ZNF160: variants seen among roughly 807,000 people sequenced by gnomAD.
The protein encoded by ZNF160 is KRAB zinc finger protein KR18.
In ZNF160, 9 loss-of-function variants were observed where a neutral mutation model predicts 13.1. The observed-to-expected ratio is 0.69, with a 90% CI of 0.41 to 1.20. The LOEUF is 1.20. Ranked by LOEUF, ZNF160 falls within the 50% of genes most tolerant of loss-of-function variation. The pLI is 0.01. For synonymous variants in ZNF160, 293 were observed against 333.2 expected, an observed-to-expected ratio of 0.88 and a Z score of 1.31; for missense variants, 838 against 988.0, an observed-to-expected ratio of 0.85 and a Z score of 2.04.
chr19:53,072,788 T>C (rs2145517593), intron 5 of ZNF160: 1 of 245,274 alleles, frequency 4.1e-6, no homozygotes, highest in African/African-American at 2.3e-5. Context: ...GAGGCAGAAG[T>C]TGCGGTGAGC....
At chr19:53,070,791 A>T (rs918241921) in intron 5 of ZNF160, among the ~76,000 whole-genome samples, 1 of 152,204 alleles carries the variant, frequency 6.6e-6, no homozygotes, top group Non-Finnish European at 1.5e-5. Context: ...GTTGTGGCTC[A>T]TGCCTGTAAT....
At position 53,087,341 on chromosome 19, in the gene ZNF160, C is replaced by A. The variant is rs145938077; in HGVS notation, c.-45-1020G>T. Among the ~76,000 whole-genome samples the A allele has an allele frequency of 3.1e-3, 472 of 152,266 alleles. 8 individuals are homozygous for A. Among genetic ancestry groups the A allele is most frequent in the East Asian group, 0.025 (130 of 5,182 alleles). On this transcript the variant is annotated intron_variant, in intron 2 of 5. Transcript: ENST00000683776. Reference sequence around the variant, plus strand: ...CATACGTCAAAAAAATTTATGAAACCATGTATTTCCTCACCTGTTTTAAGT... The same window carrying A: ...CATACGTCAAAAAAATTTATGAAACAATGTATTTCCTCACCTGTTTTAAGT...
chr19:53,098,962 C>G (rs2085341925), intron 1 of ZNF160, among the ~76,000 whole-genome samples: 1 of 149,870 alleles, frequency 6.7e-6, no homozygotes, highest in South Asian at 2.1e-4. Context: ...GATGAAATTT[C>G]CAGAATATGA....
At chr19:53,079,345 G>A (rs913852078) in intron 3 of ZNF160, among the ~76,000 whole-genome samples, 2 of 152,084 alleles carry the variant, frequency 1.3e-5, no homozygotes, top group Non-Finnish European at 2.9e-5. Flanking sequence ...GAGGTCAGGA[G>A]TTCAAGACCA....
At chr19:53,078,947 T>C (rs1353747325) in intron 3 of ZNF160, among the ~76,000 whole-genome samples, 1 of 152,194 alleles carries the variant, frequency 6.6e-6, no homozygotes. Flanking sequence ...AAAACAATTG[T>C]ATGATACCAC....
Position 53,069,432 on chromosome 19 carries a change from G to T in ZNF160, c.1102C>A (p.Pro368Thr). The change falls in exon 6 of 6, where the codon CCG becomes ACG. Residue 368 changes from proline (P) to threonine (T), a missense_variant. Around this residue, in one of 3 missense-constraint regions of ZNF160, gnomAD observed 400 missense variants for 538.9 expected, o/e 0.74. Transcript: ENST00000683776. This position sits in a 1 kb window ranked among gnomAD's most constrained non-coding sequence, Gnocchi z 4.4. The part of the protein sequence containing the change: ...THQLIHTGEK[P>T]FKCNECGKLF... Reference sequence around the variant, plus strand: ...TTGCCACATTCATTACATTTGAACGGTTTTTCTCCAGTATGAATTAACTGA... The same window carrying T: ...TTGCCACATTCATTACATTTGAACGTTTTTTCTCCAGTATGAATTAACTGA... The T allele has an allele frequency of 6.2e-7, 1 of 1,614,042 alleles. No homozygotes were observed. The highest frequency in any genetic ancestry group is 8.5e-7 in the Non-Finnish European group (1 of 1,180,002).
intron 3 of ZNF160, chr19:53,075,924 G>A: frequency 7.0e-6 from 3 of 426,464 alleles, no homozygotes; most frequent in South Asian, 3.5e-5. Flanking sequence ...GCCTATGGGA[G>A]CTGACCCTAT....
At chr19:53,091,875 G>A (rs1341229275) in intron 1 of ZNF160, among the ~76,000 whole-genome samples, 155 bp from the exon 2 acceptor site, 1 of 152,234 alleles carries the variant, frequency 6.6e-6, no homozygotes, top group Admixed American at 6.5e-5. Context: ...CACTCAGGAA[G>A]GACAGCGTCA....
Position 53,080,834 on chromosome 19 carries a change from C to T in ZNF160, c.15+5428G>A, listed in dbSNP as rs1238822720. On this transcript the variant is annotated intron_variant, in intron 3 of 5. Transcript: ENST00000683776. Reference sequence around the variant, plus strand: ...GACTTCAAACCATATTGCAAGGCTACAGTAAACAAAACAGCATGGTACTGG... The same window carrying T: ...GACTTCAAACCATATTGCAAGGCTATAGTAAACAAAACAGCATGGTACTGG... 2.0e-5 allele frequency among the ~76,000 whole-genome samples: 3 copies of T among 152,102 alleles called. No individual in the cohort carries two copies. The East Asian group carries it at 5.8e-4, about 29-fold the overall frequency.
At chr19:53,087,101 T>A (rs1039103731) in intron 2 of ZNF160, among the ~76,000 whole-genome samples, 18 of 152,186 alleles carry the variant, frequency 1.2e-4, no homozygotes, top group Non-Finnish European at 2.2e-4. Flanking sequence ...GAAGAAAGGC[T>A]GCTTGTCACT....
In ZNF160 at chr19:53,073,356, C is replaced by T. The variant is rs181551677; in HGVS notation, c.271+784G>A. On this transcript the variant is annotated intron_variant, in intron 5 of 5. Transcript: ENST00000683776. The stretch of plus-strand genomic sequence containing the variant: ...ACAATCTTAGAAGATAGAACCCACT[C>T]GCTTATCACACACCCCCATGAAAGT... The T allele has an allele frequency of 4.7e-5, 75 of 1,598,224 alleles. No homozygotes were observed. The African/African-American group carries it at 5.1e-4, about 11-fold the overall frequency.
At chr19:53,076,455 C>T (rs975009821) in intron 3 of ZNF160, among the ~76,000 whole-genome samples, 1 of 152,130 alleles carries the variant, frequency 6.6e-6, no homozygotes, top group Non-Finnish European at 1.5e-5. Flanking sequence ...GCCTGGCCAA[C>T]ATGGTGAAAC....
chr19:53,080,529 ATC>A (rs1484380182), intron 3 of ZNF160, among the ~76,000 whole-genome samples: 32 of 151,912 alleles, frequency 2.1e-4, no homozygotes, highest in African/African-American at 7.0e-4. Context: ...GTTGTGAACT[ATC>A]TCTATGAGGA....
intron 3 of ZNF160, among the ~76,000 whole-genome samples, chr19:53,076,379 G>A (rs1317895933): frequency 3.3e-5 from 5 of 152,184 alleles, no homozygotes; most frequent in Admixed American, 3.3e-4. Flanking sequence ...GGCGGCTCAT[G>A]CCTGTAATCC....
chr19:53,085,882 G>T, intron 3 of ZNF160: 1 of 632,010 alleles, frequency 1.6e-6, no homozygotes, highest in Non-Finnish European at 2.7e-6. Context: ...ATGCCAGTGA[G>T]CAGGTACGTG....
chr19:53,073,263 C>T (rs2145529204), intron 5 of ZNF160: 1 of 1,509,430 alleles, frequency 6.6e-7, no homozygotes, highest in East Asian at 2.3e-5. Context: ...ACAGAATACG[C>T]ACCCCATGTA....
intron 3 of ZNF160, among the ~76,000 whole-genome samples, chr19:53,080,547 A>G (rs1242666483): frequency 1.4e-5 from 2 of 146,158 alleles, no homozygotes; most frequent in African/African-American, 2.6e-5. Context: ...GAGGAGAACT[A>G]CAAAATACCA....
At chr19:53,080,284 A>T (rs2084578999) in intron 3 of ZNF160, among the ~76,000 whole-genome samples, 2 of 152,136 alleles carry the variant, frequency 1.3e-5, no homozygotes, top group Admixed American at 1.3e-4. Flanking sequence ...TTTTTAATAG[A>T]GACTGGGTTT....
At chr19:53,080,419 C>A (rs896452922) in intron 3 of ZNF160, among the ~76,000 whole-genome samples, 4 of 152,136 alleles carry the variant, frequency 2.6e-5, no homozygotes. Flanking sequence ...TACTCTTAAA[C>A]GCCAATAATG....
Sources: allele counts gnomAD v4.1 joint callset (sites outside exome capture counted in the v4.1 genomes callset), GRCh38; gene constraint gnomAD v4.1.1; regional missense constraint gnomAD v4.1.1; non-coding constraint Gnocchi (gnomAD v3.1); transcripts MANE v1.5; gene names NCBI Gene and HGNC (gene_info 2026-07-23, HGNC 2026-07-21).